The following ITGA8 variants were observed in gnomAD, a reference collection of about 807,000 sequenced individuals.
The protein encoded by ITGA8 is integrin alpha-8.
Under a neutral mutation model 142.3 loss-of-function variants are expected in ITGA8, and 91 were observed. The ratio of observed to expected loss-of-function variants is 0.64; its 90% CI spans 0.54 to 0.76. The LOEUF (loss-of-function observed/expected upper bound fraction) is 0.76, where lower values mean the gene tolerates loss of function less well. ITGA8 is among the 30% of genes least tolerant of loss of function. ITGA8 has a pLI of 0.00. For synonymous variants in ITGA8, 505 were observed against 485.2 expected, an observed-to-expected ratio of 1.04 and a Z score of -0.54; for missense variants, 1,406 against 1,327.7, an observed-to-expected ratio of 1.06 and a Z score of -0.92.
intron 10 of ITGA8, among the ~76,000 whole-genome samples, chr10:15,658,058 G>A (rs1306461368): frequency 6.6e-6 from 1 of 152,194 alleles, no homozygotes; most frequent in African/African-American, 2.4e-5. Flanking sequence ...GGATGGAAAG[G>A]AATTAACATT....
intron 14 of ITGA8, among the ~76,000 whole-genome samples, chr10:15,615,246 C>A (rs1441026950): frequency 6.6e-6 from 1 of 152,216 alleles, no homozygotes; most frequent in Non-Finnish European, 1.5e-5. Context: ...CAAACGCAAG[C>A]CCCATACTTC....
intron 13 of ITGA8, among the ~76,000 whole-genome samples, chr10:15,624,407 T>C (rs1162278081): frequency 6.6e-6 from 1 of 152,342 alleles, no homozygotes; most frequent in South Asian, 2.1e-4. Context: ...GTAGCATTTG[T>C]TGGAGTCTGA....
At chr10:15,673,108 G>C (rs1310577241) in intron 6 of ITGA8, among the ~76,000 whole-genome samples, 2 of 152,072 alleles carry the variant, frequency 1.3e-5, no homozygotes, top group Admixed American at 6.6e-5. Context: ...TTTTGGGACA[G>C]AGTCTCGCAC....
chr10:15,609,921 T>C (rs901785038), intron 15 of ITGA8, among the ~76,000 whole-genome samples: 5 of 152,210 alleles, frequency 3.3e-5, no homozygotes, highest in Admixed American at 6.5e-5. Context: ...AATAAAGTTA[T>C]ACAAATGAAC....
chr10:15,585,440 G>T (rs531574481), intron 23 of ITGA8, among the ~76,000 whole-genome samples: 8 of 152,300 alleles, frequency 5.3e-5, no homozygotes, highest in African/African-American at 1.9e-4. Flanking sequence ...CCGCTAGGGG[G>T]CGCCCCAGCG....
chr10:15,694,182 A>G (rs1003120152), intron 2 of ITGA8, among the ~76,000 whole-genome samples: 1 of 142,662 alleles, frequency 7.0e-6, no homozygotes, highest in African/African-American at 2.6e-5. Context: ...CAGATAATAT[A>G]TCATATATAT....
At chr10:15,538,531 A>G (rs985659632) in intron 27 of ITGA8, among the ~76,000 whole-genome samples, 2 of 145,320 alleles carry the variant, frequency 1.4e-5, no homozygotes, top group African/African-American at 4.9e-5. Context: ...AAAAAAAAAA[A>G]CTATAGTTAA....
intron 11 of ITGA8, among the ~76,000 whole-genome samples, chr10:15,651,176 A>G (rs1407300501): frequency 6.6e-6 from 1 of 152,188 alleles, no homozygotes; most frequent in East Asian, 1.9e-4. Context: ...TATAACTACT[A>G]TAACACTCAA....
rs998408679 is a variant in ITGA8, at chr10:15,531,032, A to G, written c.2982+18T>C. The G allele has an allele frequency of 6.2e-6, 7 of 1,133,540 alleles. No individual in the cohort carries two copies. Among genetic ancestry groups the G allele is most frequent in the Middle Eastern group, 2.0e-4 (1 of 5,078 alleles). The allele number at this position is 1,133,540 out of a possible 1,614,324, so 70.2% of individuals were successfully genotyped here. A position where few individuals can be genotyped will look rare whatever the true frequency, so the allele number is the denominator to read the frequency against. On this transcript the variant is annotated intron_variant, in intron 28 of 29. Transcript: ENST00000378076. Reference sequence around the variant, plus strand: ...TCAATTAAATTATTTGTGCCTATATATATTTAAAGATACTCACTACTATGC... The same window carrying G: ...TCAATTAAATTATTTGTGCCTATATGTATTTAAAGATACTCACTACTATGC...
At chr10:15,675,161 A>T (rs1188200538) in intron 6 of ITGA8, among the ~76,000 whole-genome samples, 2 of 152,196 alleles carry the variant, frequency 1.3e-5, no homozygotes, top group Non-Finnish European at 1.5e-5. Flanking sequence ...GAAGTGATGA[A>T]AATTTATATT....
At chr10:15,679,957 A>G (rs1450065412) in intron 4 of ITGA8, among the ~76,000 whole-genome samples, 1 of 152,250 alleles carries the variant, frequency 6.6e-6, no homozygotes. Flanking sequence ...TCAATCCTGC[A>G]TAGTTAGATT....
At chr10:15,681,272 T>A (rs1234036252) in intron 4 of ITGA8, among the ~76,000 whole-genome samples, 1 of 152,138 alleles carries the variant, frequency 6.6e-6, no homozygotes, top group African/African-American at 2.4e-5. Context: ...GCTGGCTTTG[T>A]GTTAATGATC....
At position 15,687,968 on chromosome 10, in the gene ITGA8, T is replaced by C; in HGVS notation, c.414A>G (p.Ala138=). 6.2e-7 allele frequency: 1 copy of C among 1,613,394 alleles called. No individual in the cohort carries two copies. Among genetic ancestry groups the C allele is most frequent in the Non-Finnish European group, 8.5e-7 (1 of 1,179,286 alleles). The change falls in exon 3 of 30, where the codon GCA becomes GCG. Residue 138 remains alanine, a synonymous_variant. Transcript: ENST00000378076. Reference sequence around the variant, plus strand: ...CTTTTCCTTTGTGAGCTTTCACTGTTGCTCCAAACCACTGATTGGATTTGA... The same window carrying C: ...CTTTTCCTTTGTGAGCTTTCACTGTCGCTCCAAACCACTGATTGGATTTGA... ...IEFKSNQWFG[A]TVKAHKGKVV...
chr10:15,623,616 A>T (rs1588681643), intron 13 of ITGA8, among the ~76,000 whole-genome samples: 1 of 152,118 alleles, frequency 6.6e-6, no homozygotes, highest in Non-Finnish European at 1.5e-5. Flanking sequence ...AACCCAGGAG[A>T]TGGAGGTTGC....
intron 28 of ITGA8, among the ~76,000 whole-genome samples, chr10:15,527,848 C>T (rs1252781665): frequency 6.7e-6 from 1 of 150,122 alleles, no homozygotes; most frequent in Non-Finnish European, 1.5e-5. Context: ...TCTGATGCTT[C>T]TCCAACTACC....
intron 23 of ITGA8, among the ~76,000 whole-genome samples, chr10:15,580,220 T>C (rs1447219265): frequency 2.0e-5 from 3 of 150,484 alleles, no homozygotes; most frequent in Non-Finnish European, 4.4e-5. Context: ...CCTACAACTA[T>C]TAAAAGGACA....
At chr10:15,584,378 A>G (rs991732484) in intron 23 of ITGA8, among the ~76,000 whole-genome samples, 1 of 152,204 alleles carries the variant, frequency 6.6e-6, no homozygotes, top group Non-Finnish European at 1.5e-5. Flanking sequence ...TAAAGAGTCA[A>G]CAAAGATTAA....
intron 8 of ITGA8, among the ~76,000 whole-genome samples, chr10:15,666,402 C>T (rs1834392644): frequency 6.6e-6 from 1 of 152,174 alleles, no homozygotes; most frequent in Non-Finnish European, 1.5e-5. Context: ...TGCTTATCAG[C>T]TTGAGGAGAT....
At position 15,599,257 on chromosome 10, in the gene ITGA8, G is replaced by A. The variant is rs552941456; in HGVS notation, c.2119-1958C>T. Among the ~76,000 whole-genome samples, 248 of 151,870 alleles carry A rather than the reference G, an allele frequency of 1.6e-3. 2 individuals are homozygous for A. Among genetic ancestry groups the A allele is most frequent in the African/African-American group, 5.8e-3 (239 of 41,370 alleles). On this transcript the variant is annotated intron_variant, in intron 20 of 29. Coordinates refer to ENST00000378076, the MANE Select transcript of ITGA8 (RefSeq NM_003638.3). Reference sequence around the variant, plus strand: ...TCCTCTCGTTAATAAGAGGAACAATGACTTTTTATGGACATTTCTAGATTA... The same window carrying A: ...TCCTCTCGTTAATAAGAGGAACAATAACTTTTTATGGACATTTCTAGATTA...
Sources: gnomAD v4.1 joint callset for allele counts (sites outside exome capture counted in the v4.1 genomes callset) on GRCh38, gnomAD v4.1.1 for gene constraint, MANE v1.5 for transcripts, NCBI Gene and HGNC (gene_info 2026-07-23, HGNC 2026-07-21) for gene names.